The following KCNJ3 variants were observed in gnomAD, a reference collection of about 807,000 sequenced individuals.
KCNJ3 encodes potassium inwardly rectifying channel subfamily J member 3.
A neutral mutation model predicts 39.2 loss-of-function variants in KCNJ3; 4 were observed. The observed-to-expected ratio is 0.10, with a 90% CI of 0.05 to 0.23. The LOEUF is 0.23. Among genes scored for constraint, KCNJ3 ranks in the 10% least tolerant of loss-of-function variants. KCNJ3 has a pLI of 1.00. For synonymous variants in KCNJ3, 230 were observed against 237.4 expected (o/e 0.97, Z 0.29); for missense variants, 276 against 634.9 (o/e 0.43, Z 6.08).
chr2:154,762,124 A>T (rs922651754), intron 2 of KCNJ3, among the ~76,000 whole-genome samples: 1 of 152,182 alleles, frequency 6.6e-6, no homozygotes. Context: ...AGCCCTCTCA[A>T]TGCCTTGGTG....
chr2:154,706,549 T>G (rs1685013972), intron 1 of KCNJ3, among the ~76,000 whole-genome samples: 1 of 152,162 alleles, frequency 6.6e-6, no homozygotes, highest in Non-Finnish European at 1.5e-5. Flanking sequence ...TCTTTCACTT[T>G]CATATACATG....
intron 2 of KCNJ3, among the ~76,000 whole-genome samples, chr2:154,725,475 C>T (rs1685337832): frequency 6.6e-6 from 1 of 151,714 alleles, no homozygotes; most frequent in Admixed American, 6.6e-5. Context: ...TTTTTCATTT[C>T]CCCATCCCCT....
intron 2 of KCNJ3, among the ~76,000 whole-genome samples, chr2:154,820,623 A>C (rs1258013536): frequency 6.6e-6 from 1 of 152,120 alleles, no homozygotes; most frequent in Non-Finnish European, 1.5e-5. Flanking sequence ...TGGAAGACAG[A>C]AACTTTCTGT....
intron 2 of KCNJ3, among the ~76,000 whole-genome samples, chr2:154,716,803 T>C (rs1220865793): frequency 6.6e-6 from 1 of 152,206 alleles, no homozygotes; most frequent in Non-Finnish European, 1.5e-5. Flanking sequence ...TTTGTTTTTA[T>C]TTGTAACTGA....
chr2:154,758,389 T>C (rs1685979494), intron 2 of KCNJ3, among the ~76,000 whole-genome samples: 1 of 152,200 alleles, frequency 6.6e-6, no homozygotes, highest in African/African-American at 2.4e-5. Flanking sequence ...AGGTACCAAA[T>C]ATGTGGGTGC....
intron 2 of KCNJ3, among the ~76,000 whole-genome samples, chr2:154,782,602 A>T (rs1320747192): frequency 1.3e-5 from 2 of 152,122 alleles, no homozygotes; most frequent in Admixed American, 1.3e-4. Context: ...GCCAAATGAC[A>T]TGATAAAATA....
chr2:154,772,838 A>G (rs1374132040), intron 2 of KCNJ3, among the ~76,000 whole-genome samples: 2 of 152,040 alleles, frequency 1.3e-5, no homozygotes, highest in African/African-American at 4.8e-5. Flanking sequence ...CTCGGTGTCT[A>G]AAAGTCACAT....
intron 2 of KCNJ3, among the ~76,000 whole-genome samples, chr2:154,844,619 G>A (rs548319102): frequency 2.0e-5 from 3 of 152,140 alleles, no homozygotes; most frequent in East Asian, 1.9e-4. Context: ...CAAGCTTCCC[G>A]GTCGCTTTGT....
intron 2 of KCNJ3, among the ~76,000 whole-genome samples, chr2:154,734,924 G>A (rs1474956413): frequency 5.3e-5 from 8 of 151,992 alleles, no homozygotes. Context: ...TGAATTGAAC[G>A]GCAGAAAACA....
At chr2:154,844,333 G>A (rs2105132892) in intron 2 of KCNJ3, among the ~76,000 whole-genome samples, 1 of 152,242 alleles carries the variant, frequency 6.6e-6, no homozygotes, top group South Asian at 2.1e-4. Context: ...CGTCCCAGAG[G>A]GGCAACCGCC....
At chr2:154,726,363 T>C (rs1380601700) in intron 2 of KCNJ3, among the ~76,000 whole-genome samples, 3 of 152,062 alleles carry the variant, frequency 2.0e-5, no homozygotes, top group Non-Finnish European at 4.4e-5. Context: ...TAAAAAATGC[T>C]CAACATAACT....
chr2:154,807,865 A>G (rs1053136982), intron 2 of KCNJ3, among the ~76,000 whole-genome samples: 2 of 152,076 alleles, frequency 1.3e-5, no homozygotes, highest in Non-Finnish European at 2.9e-5. Flanking sequence ...TGGCTCTGAA[A>G]GACAAAAAGA....
At chr2:154,844,979 G>A (rs1231944952) in intron 2 of KCNJ3, among the ~76,000 whole-genome samples, 2 of 152,124 alleles carry the variant, frequency 1.3e-5, no homozygotes, top group African/African-American at 4.8e-5. Flanking sequence ...CAGTCCCAAT[G>A]AGATGAACCA....
chr2:154,843,128 C>T (rs1237183655), intron 2 of KCNJ3, among the ~76,000 whole-genome samples: 1 of 152,090 alleles, frequency 6.6e-6, no homozygotes, highest in African/African-American at 2.4e-5. Flanking sequence ...GTAGGGCAGG[C>T]CTGGTGGTGA....
At chr2:154,832,933 G>A (rs565694303) in intron 2 of KCNJ3, among the ~76,000 whole-genome samples, 40 of 152,288 alleles carry the variant, frequency 2.6e-4, no homozygotes, top group Non-Finnish European at 5.1e-4. Context: ...GCAAAATGTT[G>A]CCAAATGTGG....
intron 2 of KCNJ3, among the ~76,000 whole-genome samples, chr2:154,786,531 C>T (rs1370081116): frequency 1.3e-5 from 2 of 152,144 alleles, no homozygotes; most frequent in Non-Finnish European, 2.9e-5. Context: ...AAATGTCACT[C>T]GCCATGTTGT....
At chr2:154,780,900 T>C (rs1197382554) in intron 2 of KCNJ3, among the ~76,000 whole-genome samples, 1 of 152,188 alleles carries the variant, frequency 6.6e-6, no homozygotes, top group African/African-American at 2.4e-5. Flanking sequence ...CAGCTAAATA[T>C]GCTGCGTTAC....
chr2:154,793,086 GA>G (rs903209941), intron 2 of KCNJ3, among the ~76,000 whole-genome samples: 1 of 151,950 alleles, frequency 6.6e-6, no homozygotes, highest in African/African-American at 2.4e-5. Flanking sequence ...TTTTCCCTCC[GA>G]ATATAGTATA....
At chr2:154,807,817 A>T (rs2105098764) in intron 2 of KCNJ3, among the ~76,000 whole-genome samples, 1 of 152,228 alleles carries the variant, frequency 6.6e-6, no homozygotes, top group East Asian at 1.9e-4. Context: ...ATGCACTGGG[A>T]CACTGGGATG....
Sources: gnomAD v4.1 joint callset for allele counts (sites outside exome capture counted in the v4.1 genomes callset) on GRCh38, gnomAD v4.1.1 for gene constraint, MANE v1.5 for transcripts, NCBI Gene and HGNC (gene_info 2026-07-23, HGNC 2026-07-21) for gene names.